RGS17: variants seen among roughly 807,000 people sequenced by gnomAD.
RGS17 encodes regulator of G-protein signaling 17.
In RGS17, 12 loss-of-function variants were observed where a neutral mutation model predicts 25.5. The ratio of observed to expected loss-of-function variants is 0.47; its 90% confidence interval spans 0.30 to 0.76. RGS17 has a LOEUF of 0.76. Among genes scored for constraint, RGS17 ranks in the 30% least tolerant of loss-of-function variants. The pLI is 0.07. For missense variants in RGS17, 196 were observed against 242.2 expected (o/e 0.81, Z 1.27); for synonymous variants, 71 against 76.9 (o/e 0.92, Z 0.40).
chr6:153,114,716 A>T (rs1054930847), intron 1 of RGS17, among the ~76,000 whole-genome samples: 1 of 152,180 alleles, frequency 6.6e-6, no homozygotes, highest in East Asian at 1.9e-4. Flanking sequence ...CAGCACATTA[A>T]CAAGCTTATC....
intron 1 of RGS17, among the ~76,000 whole-genome samples, chr6:153,113,400 AC>A (rs1777501669): frequency 6.6e-6 from 1 of 152,220 alleles, no homozygotes; most frequent in Non-Finnish European, 1.5e-5. Flanking sequence ...ATACATATGC[AC>A]CCAATACAGG....
At chr6:153,095,470 T>G (rs1777194632) in intron 1 of RGS17, among the ~76,000 whole-genome samples, 1 of 152,188 alleles carries the variant, frequency 6.6e-6, no homozygotes, top group Non-Finnish European at 1.5e-5. Context: ...ATTTTGAAAT[T>G]AAATACCAGG....
Position 153,130,858 on chromosome 6 carries a change from G to A in RGS17, c.-26+266C>T, listed in dbSNP as rs1777780113. ...GCCCGGTTCCCTGCAGCAGCTGAGG[G>A]CGGCGAGCGGACCGCGTCCAGGCAG... is the stretch of plus-strand genomic sequence containing the variant. On this transcript the variant is annotated intron_variant, in intron 1 of 4. Coordinates refer to ENST00000206262, the MANE Select transcript of RGS17 (RefSeq NM_012419.5). This position sits in a 1 kb window ranked among gnomAD's most constrained non-coding sequence, Gnocchi z 6.4. Among the ~76,000 whole-genome samples the A allele has an allele frequency of 6.6e-6, 1 of 151,958 alleles. No homozygotes were observed. Among genetic ancestry groups the A allele is most frequent in the African/African-American group, 2.4e-5 (1 of 41,418 alleles).
intron 1 of RGS17, among the ~76,000 whole-genome samples, chr6:153,104,442 G>C (rs1428554626): frequency 2.0e-5 from 3 of 152,280 alleles, no homozygotes; most frequent in East Asian, 3.9e-4. Flanking sequence ...TCTGAATCCA[G>C]AACATGTTTG....
intron 2 of RGS17, among the ~76,000 whole-genome samples, 190 bp downstream of exon 2, chr6:153,043,710 G>T (rs1776350276): frequency 6.6e-6 from 1 of 151,998 alleles, no homozygotes; most frequent in Non-Finnish European, 1.5e-5. Context: ...AGATTTTGGG[G>T]AAATATTATA....
At chr6:153,128,167 C>G (rs1031787678) in intron 1 of RGS17, among the ~76,000 whole-genome samples, 3 of 152,170 alleles carry the variant, frequency 2.0e-5, no homozygotes, top group Non-Finnish European at 2.9e-5. Context: ...ACCCTTGACA[C>G]TCCCTTGGAA....
chr6:153,031,009 T>G (rs1779356715), intron 2 of RGS17, among the ~76,000 whole-genome samples: 1 of 152,156 alleles, frequency 6.6e-6, no homozygotes, highest in African/African-American at 2.4e-5. Flanking sequence ...GTTTGCCAGA[T>G]GGAGACCTGG....
intron 4 of RGS17, among the ~76,000 whole-genome samples, chr6:153,016,091 C>T (rs551437651): frequency 2.6e-5 from 4 of 152,270 alleles, no homozygotes; most frequent in East Asian, 1.9e-4. Flanking sequence ...GGCTGAACTA[C>T]ACATTTGTCT....
chr6:153,054,609 C>T (rs1584136552), intron 1 of RGS17, among the ~76,000 whole-genome samples: 1 of 151,632 alleles, frequency 6.6e-6, no homozygotes, highest in East Asian at 2.0e-4. Context: ...CGAGATCGCG[C>T]CACTGCACTC....
intron 1 of RGS17, among the ~76,000 whole-genome samples, chr6:153,114,775 A>C (rs995876214): frequency 6.6e-6 from 1 of 152,254 alleles, no homozygotes; most frequent in Non-Finnish European, 1.5e-5. Context: ...CTAGTTCAAC[A>C]TATGGAAATC....
chr6:153,036,393 T>C (rs1196325668), intron 2 of RGS17, among the ~76,000 whole-genome samples: 1 of 152,088 alleles, frequency 6.6e-6, no homozygotes, highest in African/African-American at 2.4e-5. Flanking sequence ...CATCACTTCT[T>C]CTCCACTGTG....
intron 4 of RGS17, among the ~76,000 whole-genome samples, chr6:153,022,655 G>T (rs1333510051): frequency 1.3e-5 from 2 of 152,166 alleles, no homozygotes; most frequent in East Asian, 3.8e-4. Context: ...GGCAAAAGAA[G>T]CACATATTTG....
At chr6:153,030,731 GT>G (rs1179484116) in intron 2 of RGS17, among the ~76,000 whole-genome samples, 1 of 152,146 alleles carries the variant, frequency 6.6e-6, no homozygotes, top group Non-Finnish European at 1.5e-5. Flanking sequence ...TACTAGAGGA[GT>G]TAGCAATACT....
chr6:153,032,420 C>G (rs1190000533), intron 2 of RGS17, among the ~76,000 whole-genome samples: 1 of 152,024 alleles, frequency 6.6e-6, no homozygotes, highest in Non-Finnish European at 1.5e-5. Flanking sequence ...TTGGCTTAAG[C>G]TTTTGTTTCA....
chr6:153,029,178 T>C (rs1367680314), intron 2 of RGS17, among the ~76,000 whole-genome samples: 1 of 152,264 alleles, frequency 6.6e-6, no homozygotes, highest in African/African-American at 2.4e-5. Context: ...AACTATTCAC[T>C]GTGCAGCTCT....
intron 1 of RGS17, among the ~76,000 whole-genome samples, chr6:153,085,053 G>A (rs1054379648): frequency 3.9e-5 from 6 of 152,028 alleles, no homozygotes; most frequent in Admixed American, 2.0e-4. Context: ...TTTAATTTAC[G>A]CTCAGTCTTC....
chr6:153,116,723 A>G (rs1242350490), intron 1 of RGS17, among the ~76,000 whole-genome samples: 1 of 152,214 alleles, frequency 6.6e-6, no homozygotes, highest in Non-Finnish European at 1.5e-5. Context: ...GCATATATAC[A>G]CCATGGAATA....
chr6:153,058,502 C>A (rs557122083), intron 1 of RGS17, among the ~76,000 whole-genome samples: 1 of 152,296 alleles, frequency 6.6e-6, no homozygotes, highest in African/African-American at 2.4e-5. Flanking sequence ...AACTCGTTAT[C>A]CAACAATCAA....
intron 1 of RGS17, among the ~76,000 whole-genome samples, chr6:153,092,472 C>T (rs1777146297): frequency 6.6e-6 from 1 of 152,134 alleles, no homozygotes; most frequent in African/African-American, 2.4e-5. Flanking sequence ...AAAGCAACTG[C>T]CTGTGAGTTA....
Sources: allele counts gnomAD v4.1 joint callset (sites outside exome capture counted in the v4.1 genomes callset), GRCh38; gene constraint gnomAD v4.1.1; non-coding constraint Gnocchi (gnomAD v3.1); transcripts MANE v1.5; gene names NCBI Gene and HGNC (gene_info 2026-07-23, HGNC 2026-07-21).